The following FAF1 variants were observed in gnomAD, a reference collection of about 807,000 sequenced individuals.
The protein encoded by FAF1 is FAS-associated factor 1.
In FAF1, 25 loss-of-function variants were observed where a neutral mutation model predicts 92.5. That is an observed-to-expected ratio of 0.27 (90% CI 0.20 to 0.38). FAF1 has a LOEUF of 0.38. FAF1 is among the 10% of genes least tolerant of loss of function. The pLI, the probability that FAF1 is intolerant of heterozygous loss-of-function variation, is 1.00. For synonymous variants in FAF1, 234 were observed against 273.2 expected, an observed-to-expected ratio of 0.86 and a Z score of 1.42; for missense variants, 636 against 793.3, an observed-to-expected ratio of 0.80 and a Z score of 2.38.
Position 50,679,285 on chromosome 1 carries a change from T to C in FAF1, c.658-23757A>G, listed in dbSNP as rs190612618. On this transcript the variant is annotated intron_variant, in intron 7 of 18. Transcript: ENST00000396153. ...AGCTGCTCTGCCTATGGAGTAACCA[T>C]TCTTTATTCCTTTACTTTCTTAAAA... 7.9e-4 allele frequency among the ~76,000 whole-genome samples: 120 copies of C among 151,054 alleles called. 1 individual carries two copies. Among genetic ancestry groups the C allele is most frequent in the African/African-American group, 2.9e-3 (120 of 40,830 alleles).
intron 6 of FAF1, among the ~76,000 whole-genome samples, chr1:50,717,366 TTC>T (rs1034821967): frequency 6.6e-6 from 1 of 152,136 alleles, no homozygotes; most frequent in Non-Finnish European, 1.5e-5. Flanking sequence ...GATAAGAGCT[TTC>T]TCTCTCTTTC....
At chr1:50,877,920 T>A (rs1035908892) in intron 1 of FAF1, among the ~76,000 whole-genome samples, 5 of 152,196 alleles carry the variant, frequency 3.3e-5, no homozygotes, top group African/African-American at 1.2e-4. Flanking sequence ...GAAATGGCCT[T>A]CTATAACCCT....
intron 18 of FAF1, among the ~76,000 whole-genome samples, chr1:50,455,946 G>A (rs1646347179): frequency 6.6e-6 from 1 of 152,094 alleles, no homozygotes; most frequent in African/African-American, 2.4e-5. Context: ...TAGATGGCAT[G>A]CACCTGTAAT....
chr1:50,846,543 T>C (rs527606639), intron 2 of FAF1: 3 of 510,332 alleles, frequency 5.9e-6, no homozygotes, highest in East Asian at 5.2e-5. Context: ...AAACATACGA[T>C]AGAGGTTCTG....
intron 18 of FAF1, chr1:50,452,173 C>A (rs752519614): frequency 7.4e-7 from 1 of 1,346,366 alleles, no homozygotes; most frequent in Admixed American, 1.9e-5. Context: ...CATGTTTCCC[C>A]ATCCTGGAAA....
intron 2 of FAF1, among the ~76,000 whole-genome samples, chr1:50,809,440 CA>C (rs1279478336): frequency 6.6e-6 from 1 of 152,052 alleles, no homozygotes; most frequent in African/African-American, 2.4e-5. Flanking sequence ...ACATTACCAC[CA>C]AATCCAGAGA....
At chr1:50,930,668 T>C (rs1044959096) in intron 1 of FAF1, among the ~76,000 whole-genome samples, 3 of 152,148 alleles carry the variant, frequency 2.0e-5, no homozygotes, top group Admixed American at 2.0e-4. Flanking sequence ...ACCCCGTCTC[T>C]ACTAAAAATA....
intron 15 of FAF1, among the ~76,000 whole-genome samples, chr1:50,497,540 C>CTTTTTT (rs61258960): frequency 9.9e-6 from 1 of 100,506 alleles, no homozygotes; most frequent in East Asian, 2.9e-4. Context: ...ATTCAAAACT[C>CTTTTTT]TTTTTTTTTT....
At chr1:50,601,735 CACACATATATTCATATAT>C (rs1239506643) in intron 8 of FAF1, among the ~76,000 whole-genome samples, 6 of 151,096 alleles carry the variant, frequency 4.0e-5, no homozygotes, top group African/African-American at 7.3e-5. Flanking sequence ...TATTCATATA[CACACATATATTCATATAT>C]ACACATATAT....
chr1:50,650,260 T>G (rs1569675978), intron 8 of FAF1, among the ~76,000 whole-genome samples: 1 of 126,250 alleles, frequency 7.9e-6, no homozygotes, highest in African/African-American at 3.1e-5. Context: ...CTCCAGCCTG[T>G]GCAACAAGAG....
Position 50,744,729 on chromosome 1 carries a change from G to A in FAF1, c.414C>T (p.Ser138=). The change falls in exon 5 of 19, where the codon TCC becomes TCT. Residue 138 remains serine, a synonymous_variant. Coordinates refer to ENST00000396153, the MANE Select transcript of FAF1 (RefSeq NM_007051.3). ...ILENELQIPV[S]KMLLKGWKTG... is the part of the protein sequence containing the mutation. ...TCTTCCAGCCTTTTAACAGCATTTT[G>A]GACACAGGTATCTGAAGTTCATTTT... 1 of 1,610,632 alleles carries A rather than the reference G, an allele frequency of 6.2e-7. No individual in the cohort carries two copies. Among genetic ancestry groups the A allele is most frequent in the South Asian group, 1.1e-5 (1 of 90,524 alleles).
At chr1:50,540,656 T>A (rs1282547102) in intron 13 of FAF1, among the ~76,000 whole-genome samples, 2 of 152,220 alleles carry the variant, frequency 1.3e-5, no homozygotes, top group African/African-American at 4.8e-5. Context: ...TAGAGGACTG[T>A]TTGAAATTAG....
intron 4 of FAF1, among the ~76,000 whole-genome samples, chr1:50,771,658 T>G (rs1660779679): frequency 6.6e-6 from 1 of 152,146 alleles, no homozygotes. Context: ...CCCAGCACTT[T>G]GGGAGGCCGA....
rs1491385157 is a variant in FAF1 at position 50,724,254 on chromosome 1, AAC to A, written c.551+14607_551+14608del. On this transcript the variant is annotated intron_variant, in intron 6 of 18. Transcript: ENST00000396153. Reference sequence around the variant, plus strand: ...CTGTCTTTCAAAAAAAAAAAAAAAAAACAACCATATATATATACATATACACA... The same window carrying A: ...CTGTCTTTCAAAAAAAAAAAAAAAAAAACCATATATATATACATATACACA... Among the ~76,000 whole-genome samples the A allele has an allele frequency of 2.3e-3, 328 of 144,024 alleles. 4 individuals are homozygous for A. Among genetic ancestry groups the A allele is most frequent in the African/African-American group, 8.2e-3 (309 of 37,488 alleles). 94.5% of individuals were successfully genotyped at this position (144,024 alleles called of 152,430 possible).
chr1:50,484,139 A>G (rs1646734100), intron 17 of FAF1, among the ~76,000 whole-genome samples: 1 of 152,206 alleles, frequency 6.6e-6, no homozygotes. Context: ...AGTAGAATGG[A>G]TCCCATATAG....
intron 7 of FAF1, among the ~76,000 whole-genome samples, chr1:50,694,793 A>AAAC (rs2124402250): frequency 9.8e-6 from 1 of 102,550 alleles, no homozygotes; most frequent in African/African-American, 4.3e-5. Flanking sequence ...TAAAAAATAC[A>AAAC]AAAAAAAAAA....
chr1:50,691,333 C>T (rs1339664155), intron 7 of FAF1, among the ~76,000 whole-genome samples: 2 of 151,842 alleles, frequency 1.3e-5, no homozygotes, highest in African/African-American at 2.4e-5. Flanking sequence ...GCCTCCATCT[C>T]CCGGGTTCAA....
chr1:50,521,571 A>G (rs1396084814), intron 15 of FAF1, among the ~76,000 whole-genome samples: 2 of 152,242 alleles, frequency 1.3e-5, no homozygotes, highest in African/African-American at 2.4e-5. Context: ...GTTACATAAA[A>G]GAAAATACAA....
chr1:50,899,324 T>A (rs1028124177), intron 1 of FAF1, among the ~76,000 whole-genome samples: 40 of 152,340 alleles, frequency 2.6e-4, no homozygotes, highest in African/African-American at 9.1e-4. Context: ...TTCTATCATC[T>A]ATATCATTTC....
Sources: gnomAD v4.1 joint callset for allele counts (sites outside exome capture counted in the v4.1 genomes callset) on GRCh38, gnomAD v4.1.1 for gene constraint, MANE v1.5 for transcripts, NCBI Gene and HGNC (gene_info 2026-07-23, HGNC 2026-07-21) for gene names.